The following CADM2 variants were observed in gnomAD, a reference collection of about 807,000 sequenced individuals.
CADM2 encodes the protein immunoglobulin superfamily member 4D.
A neutral mutation model predicts 49.8 loss-of-function variants in CADM2; 12 were observed. The ratio of observed to expected loss-of-function variants is 0.24; its 90% CI spans 0.15 to 0.39. The LOEUF (loss-of-function observed/expected upper bound fraction) is 0.39, where lower values mean the gene tolerates loss of function less well. Ranked by LOEUF, CADM2 falls within the 10% of genes least tolerant of loss-of-function variation. CADM2 has a pLI of 1.00. For synonymous variants in CADM2, 214 were observed against 175.4 expected (o/e 1.22, Z -1.74); for missense variants, 378 against 492.3 (o/e 0.77, Z 2.20).
At chr3:84,991,869 A>G (rs1162745056) in intron 1 of CADM2, among the ~76,000 whole-genome samples, 1 of 152,220 alleles carries the variant, frequency 6.6e-6, no homozygotes, top group Non-Finnish European at 1.5e-5. Flanking sequence ...ACTTAAATGC[A>G]TTCTATTAAG....
intron 1 of CADM2, among the ~76,000 whole-genome samples, chr3:85,554,752 G>A (rs1384892873): frequency 6.6e-6 from 1 of 152,034 alleles, no homozygotes; most frequent in Non-Finnish European, 1.5e-5. Context: ...CTGGATTGCA[G>A]TAGCGTGATC....
chr3:86,063,083 C>G (rs1175368884), intron 8 of CADM2, among the ~76,000 whole-genome samples: 1 of 151,994 alleles, frequency 6.6e-6, no homozygotes, highest in African/African-American at 2.4e-5. Flanking sequence ...TTCTGATCAC[C>G]GAATATTTTT....
At position 86,056,535 on chromosome 3, in the gene CADM2, G is replaced by T. The variant is rs191424464; in HGVS notation, c.971-9070G>T. On this transcript the variant is annotated intron_variant, in intron 8 of 9. Transcript: ENST00000383699. ...ATAAAATTTATTGTGAAATAATTAG[G>T]ATGTCTGTAAATAATGAAGAAAGGA... 7.9e-5 allele frequency among the ~76,000 whole-genome samples: 12 copies of T among 152,246 alleles called. No individual in the cohort carries two copies. In the East Asian group the frequency reaches 1.9e-3, roughly 24 times the overall value.
chr3:85,062,541 T>G (rs1281171955), intron 1 of CADM2, among the ~76,000 whole-genome samples: 1 of 151,912 alleles, frequency 6.6e-6, no homozygotes, highest in African/African-American at 2.4e-5. Flanking sequence ...TTCCAATTTT[T>G]TGGTACTAAA....
At chr3:85,202,078 G>GAAA (rs57243426) in intron 1 of CADM2, among the ~76,000 whole-genome samples, 2 of 79,522 alleles carry the variant, frequency 2.5e-5, no homozygotes, top group Non-Finnish European at 4.8e-5. Flanking sequence ...GACTCTGTCT[G>GAAA]AAAAAAAAAA....
chr3:84,994,007 C>T (rs923189443), intron 1 of CADM2, among the ~76,000 whole-genome samples: 6 of 152,064 alleles, frequency 3.9e-5, no homozygotes, highest in East Asian at 1.9e-4. Flanking sequence ...CAGGACCTGC[C>T]GAACATCCTT....
At chr3:85,224,284 T>C (rs1312444466) in intron 1 of CADM2, among the ~76,000 whole-genome samples, 1 of 152,160 alleles carries the variant, frequency 6.6e-6, no homozygotes, top group African/African-American at 2.4e-5. Context: ...TGACTTTTAG[T>C]GATCACCATT....
intron 1 of CADM2, among the ~76,000 whole-genome samples, chr3:85,683,108 T>C (rs1198571625): frequency 6.6e-6 from 1 of 152,090 alleles, no homozygotes; most frequent in Non-Finnish European, 1.5e-5. Flanking sequence ...AATAAAAATC[T>C]TTTTTACTGT....
At chr3:85,948,367 C>A (rs567936577) in intron 7 of CADM2, among the ~76,000 whole-genome samples, 1 of 151,010 alleles carries the variant, frequency 6.6e-6, no homozygotes, top group East Asian at 2.0e-4. Flanking sequence ...GAACTAATAT[C>A]CCTCTAGTAG....
intron 8 of CADM2, among the ~76,000 whole-genome samples, chr3:86,044,212 G>T (rs1000959613): frequency 1.8e-4 from 28 of 152,240 alleles, no homozygotes; most frequent in Middle Eastern, 6.8e-3. Flanking sequence ...TTGACAAATG[G>T]GATCTAATTA....
At chr3:85,913,280 T>C (rs1393060280) in intron 6 of CADM2, among the ~76,000 whole-genome samples, 1 of 152,146 alleles carries the variant, frequency 6.6e-6, no homozygotes, top group Non-Finnish European at 1.5e-5. Flanking sequence ...GACAATTATA[T>C]ATACTAATCA....
intron 1 of CADM2, among the ~76,000 whole-genome samples, chr3:85,259,434 A>T (rs6799730): frequency 0.22 from 33,389 of 151,910 alleles, 6,014 homozygotes; most frequent in African/African-American, 0.5. Flanking sequence ...GATAAATAGC[A>T]ACACTAAAAT....
intron 1 of CADM2, among the ~76,000 whole-genome samples, chr3:85,568,181 G>T (rs1345234280): frequency 6.6e-6 from 1 of 152,152 alleles, no homozygotes; most frequent in Admixed American, 6.5e-5. Flanking sequence ...GGAACGCTGT[G>T]GGCAGAACCT....
chr3:85,156,325 A>G (rs1272497703), intron 1 of CADM2, among the ~76,000 whole-genome samples: 2 of 152,166 alleles, frequency 1.3e-5, no homozygotes, highest in African/African-American at 4.8e-5. Context: ...ACAAACTACC[A>G]TCAGAGAATA....
intron 1 of CADM2, among the ~76,000 whole-genome samples, chr3:85,472,081 A>C (rs2038794897): frequency 6.6e-6 from 1 of 151,946 alleles, no homozygotes. Flanking sequence ...AAAGTATTCC[A>C]GACTTTTCTC....
intron 1 of CADM2, among the ~76,000 whole-genome samples, chr3:85,371,693 A>ATATATG (rs2033250308): frequency 7.1e-6 from 1 of 141,292 alleles, no homozygotes; most frequent in Non-Finnish European, 1.5e-5. Flanking sequence ...ATATATATAT[A>ATATATG]TATATATATA....
chr3:85,407,807 A>G (rs539614010), intron 1 of CADM2, among the ~76,000 whole-genome samples: 1 of 152,048 alleles, frequency 6.6e-6, no homozygotes, highest in Admixed American at 6.6e-5. Flanking sequence ...ACATAGTGAG[A>G]CCCTGATTCT....
intron 1 of CADM2, among the ~76,000 whole-genome samples, chr3:85,632,477 C>G (rs1245915883): frequency 6.6e-6 from 1 of 152,018 alleles, no homozygotes; most frequent in African/African-American, 2.4e-5. Context: ...GTTTTGTGAC[C>G]AGATAATTTA....
intron 1 of CADM2, among the ~76,000 whole-genome samples, chr3:85,373,164 G>A (rs530844095): frequency 7.2e-5 from 11 of 152,224 alleles, no homozygotes; most frequent in East Asian, 1.9e-4. Context: ...ACTAATGAGC[G>A]TGTAAAATCA....
Sources: gnomAD v4.1 joint callset for allele counts (sites outside exome capture counted in the v4.1 genomes callset) on GRCh38, gnomAD v4.1.1 for gene constraint, MANE v1.5 for transcripts, NCBI Gene and HGNC (gene_info 2026-07-23, HGNC 2026-07-21) for gene names.